Variants in RPTOR observed in about 807,000 individuals in gnomAD.
The protein encoded by RPTOR is regulatory-associated protein of mTOR.
A neutral mutation model predicts 169.9 loss-of-function variants in RPTOR; 21 were observed. The ratio of observed to expected loss-of-function variants is 0.12; its 90% CI spans 0.09 to 0.18. The LOEUF (loss-of-function observed/expected upper bound fraction) is 0.18. RPTOR is among the 10% of genes least tolerant of loss of function. The probability of loss-of-function intolerance (pLI) is 1.00; values close to 1 mark genes in which losing one functional copy is unlikely to be tolerated. For missense variants in RPTOR, 1,133 were observed against 1,855.9 expected (o/e 0.61, Z 7.16); for synonymous variants, 732 against 753.2 (o/e 0.97, Z 0.46).
At chr17:80,943,797 A>AGTAAGAGCCAGTCAGGTGAGGACACGGTT (rs2069064871) in intron 25 of RPTOR, among the ~76,000 whole-genome samples, 2 of 152,266 alleles carry the variant, frequency 1.3e-5, no homozygotes, top group East Asian at 3.9e-4. Context: ...GGACACGGTT[A>AGTAAGAGCCAGTCAGGTGAGGACACGGTT]GTAAGAGCCA....
chr17:80,729,861 G>A (rs56394336), intron 4 of RPTOR, among the ~76,000 whole-genome samples: 16,759 of 152,232 alleles, frequency 0.11, 1,197 homozygotes, highest in African/African-American at 0.21. Flanking sequence ...GGGAGGCCCC[G>A]CGGCGGGAAC....
At chr17:80,574,326 G>A (rs187668419) in intron 1 of RPTOR, among the ~76,000 whole-genome samples, 11 of 150,758 alleles carry the variant, frequency 7.3e-5, no homozygotes, top group African/African-American at 1.5e-4. Flanking sequence ...CACCGCGCCC[G>A]GCTAATTTTT....
chr17:80,813,467 G>A (rs1018151336), intron 7 of RPTOR, among the ~76,000 whole-genome samples: 3 of 152,108 alleles, frequency 2.0e-5, no homozygotes, highest in Non-Finnish European at 2.9e-5. Flanking sequence ...TCAATGCAGC[G>A]TTCATTGAGA....
chr17:80,789,528 A>G (rs929590792), intron 6 of RPTOR, among the ~76,000 whole-genome samples: 23 of 152,176 alleles, frequency 1.5e-4, no homozygotes, highest in Admixed American at 1.4e-3. Context: ...TCCTGGGAAT[A>G]TTATCCTGTG....
intron 2 of RPTOR, among the ~76,000 whole-genome samples, chr17:80,637,979 T>G (rs1291761745): frequency 6.6e-6 from 1 of 152,206 alleles, no homozygotes; most frequent in Non-Finnish European, 1.5e-5. Context: ...TTAACAGATA[T>G]TGATTAGGTG....
At chr17:80,665,402 C>T (rs867564463) in intron 3 of RPTOR, among the ~76,000 whole-genome samples, 4 of 7,224 alleles carry the variant, frequency 5.5e-4, no homozygotes, top group African/African-American at 3.5e-3. Context: ...CCTTTCCTTT[C>T]CTTTCCTTTC....
chr17:80,572,953 C>T (rs988355355), intron 1 of RPTOR, among the ~76,000 whole-genome samples: 1 of 151,930 alleles, frequency 6.6e-6, no homozygotes, highest in Non-Finnish European at 1.5e-5. Flanking sequence ...TTTTTCTTTC[C>T]TGTTTAAGTT....
chr17:80,943,119 C>A (rs1332822573), intron 25 of RPTOR, among the ~76,000 whole-genome samples: 1 of 152,236 alleles, frequency 6.6e-6, no homozygotes, highest in Admixed American at 6.5e-5. Context: ...CGAGCACACA[C>A]CAGGCATCAG....
chr17:80,750,371 C>T (rs904651138), intron 5 of RPTOR, among the ~76,000 whole-genome samples: 1 of 152,186 alleles, frequency 6.6e-6, no homozygotes, highest in Non-Finnish European at 1.5e-5. Flanking sequence ...ACAAGTCTGC[C>T]AGCAGTCCCA....
intron 28 of RPTOR, among the ~76,000 whole-genome samples, chr17:80,950,416 A>G (rs2069160189): frequency 6.6e-6 from 1 of 151,638 alleles, no homozygotes; most frequent in Non-Finnish European, 1.5e-5. Flanking sequence ...CTTCTGTCTG[A>G]GCACCTGTCC....
intron 28 of RPTOR, among the ~76,000 whole-genome samples, chr17:80,954,644 G>A (rs1475657284): frequency 6.6e-6 from 1 of 152,196 alleles, no homozygotes; most frequent in East Asian, 1.9e-4. Context: ...AAACATCATG[G>A]GCCAGGCGTG....
intron 21 of RPTOR, among the ~76,000 whole-genome samples, chr17:80,913,749 G>C (rs183706934): frequency 1.3e-5 from 2 of 152,254 alleles, no homozygotes; most frequent in Non-Finnish European, 1.5e-5. Context: ...CACTGCACCT[G>C]GCCTGCTTTT....
Position 80,963,067 on chromosome 17 carries a change from G to A in RPTOR, c.3939+10G>A. ...CTTCCACCCGCACTGGGTCAGTGTG[G>A]CGGTGGGTGGGGGTCGGGGGTCGGG... is the stretch of plus-strand genomic sequence containing the variant. On this transcript the variant is annotated intron_variant, in intron 33 of 33. Transcript: ENST00000306801. The A allele has an allele frequency of 6.4e-7, 1 of 1,552,188 alleles. No homozygotes were observed. Among genetic ancestry groups the A allele is most frequent in the East Asian group, 2.4e-5 (1 of 41,502 alleles).
rs2066379773 is a variant in RPTOR, at chr17:80,730,355, C to T, written c.508-205C>T. On this transcript the variant is annotated intron_variant, in intron 4 of 33. Transcript: ENST00000306801. This position sits in a 1 kb window ranked among gnomAD's most constrained non-coding sequence, Gnocchi z 4.2. ...TCCTGACCTCAGGTGATCCACCCAT[C>T]TCAGCCTCCCAAAGTGCTGAGATTC... Among the ~76,000 whole-genome samples, 1 of 152,144 alleles carries T rather than the reference C, an allele frequency of 6.6e-6. No homozygotes were observed. The highest frequency in any genetic ancestry group is 2.4e-5 in the African/African-American group (1 of 41,432).
intron 6 of RPTOR, among the ~76,000 whole-genome samples, chr17:80,772,165 C>T (rs2066850205): frequency 6.6e-6 from 1 of 152,146 alleles, no homozygotes; most frequent in Non-Finnish European, 1.5e-5. Context: ...TGAATGAGTG[C>T]CTGGACCACA....
chr17:80,545,343 C>T lies in RPTOR; in HGVS notation c.-287C>T, dbSNP rs548683379. 5 of 304,606 alleles carry T rather than the reference C, an allele frequency of 1.6e-5. No individual in the cohort carries two copies. The highest frequency in any genetic ancestry group is 1.1e-4 in the South Asian group (1 of 8,726). The allele number at this position is 304,606 out of a possible 1,614,324, so 18.9% of individuals were successfully genotyped here. Reference sequence around the variant, plus strand: ...CCCTCGCAGCCCCTCTGGAAACGTACAGCCTCAGGAGCAGCCAGTGGCTTG... The same window carrying T: ...CCCTCGCAGCCCCTCTGGAAACGTATAGCCTCAGGAGCAGCCAGTGGCTTG... On this transcript the variant is annotated 5_prime_UTR_variant, in exon 1 of 34. Coordinates refer to ENST00000306801, the MANE Select transcript of RPTOR (RefSeq NM_020761.3).
At chr17:80,759,529 T>G (rs1301018629) in intron 6 of RPTOR, among the ~76,000 whole-genome samples, 1 of 152,180 alleles carries the variant, frequency 6.6e-6, no homozygotes, top group Non-Finnish European at 1.5e-5. Context: ...TACAATAAAC[T>G]GCTTTCTCCC....
At chr17:80,682,822 C>A (rs568703898) in intron 3 of RPTOR, among the ~76,000 whole-genome samples, 1 of 151,728 alleles carries the variant, frequency 6.6e-6, no homozygotes, top group Non-Finnish European at 1.5e-5. Flanking sequence ...AGAAAAATAG[C>A]GTCTTGCTGT....
At chr17:80,916,438 C>T (rs2333982) in intron 21 of RPTOR, among the ~76,000 whole-genome samples, 49,459 of 152,132 alleles carry the variant, frequency 0.33, 8,190 homozygotes, top group East Asian at 0.45. Context: ...TGCATGGCTG[C>T]GCACAGTGGC....
Sources: allele counts gnomAD v4.1 joint callset (sites outside exome capture counted in the v4.1 genomes callset), GRCh38; gene constraint gnomAD v4.1.1; non-coding constraint Gnocchi (gnomAD v3.1); transcripts MANE v1.5; gene names NCBI Gene and HGNC (gene_info 2026-07-23, HGNC 2026-07-21).